RTF2: variants seen among roughly 807,000 people sequenced by gnomAD.
RTF2 encodes UPF0549 protein C20orf43.
Under a neutral mutation model 38.0 loss-of-function variants are expected in RTF2, and 18 were observed. The observed-to-expected ratio is 0.47, with a 90% CI of 0.33 to 0.70. The LOEUF is 0.70. Among genes scored for constraint, RTF2 ranks in the 30% least tolerant of loss-of-function variants. RTF2 has a pLI of 0.02. For missense variants in RTF2, 311 were observed against 379.6 expected (o/e 0.82, Z 1.50); for synonymous variants, 126 against 137.1 (o/e 0.92, Z 0.57).
At chr20:56,481,415 G>A (rs1018732251) in intron 4 of RTF2, among the ~76,000 whole-genome samples, 2 of 152,192 alleles carry the variant, frequency 1.3e-5, no homozygotes, top group South Asian at 4.1e-4. Context: ...TGGATTTGGA[G>A]AGAAGTACAG....
At chr20:56,473,891 C>T (rs1982101168) in intron 2 of RTF2, among the ~76,000 whole-genome samples, 1 of 151,912 alleles carries the variant, frequency 6.6e-6, no homozygotes, top group African/African-American at 2.4e-5. Flanking sequence ...ACTCAGGGGC[C>T]AATAGAAGCT....
At chr20:56,477,595 C>T (rs943514618) in intron 4 of RTF2, among the ~76,000 whole-genome samples, 1 of 151,932 alleles carries the variant, frequency 6.6e-6, no homozygotes, top group Admixed American at 6.6e-5. Flanking sequence ...GTTGCCCAGG[C>T]TGGTCTTGAA....
chr20:56,486,780 A>G (rs555050629), intron 5 of RTF2, among the ~76,000 whole-genome samples: 1 of 152,234 alleles, frequency 6.6e-6, no homozygotes, highest in Non-Finnish European at 1.5e-5. Context: ...TTTGCAAAAC[A>G]CTGTTGTAAG....
At chr20:56,479,818 CTTTTTTTTTTT>C (rs56227133) in intron 4 of RTF2, among the ~76,000 whole-genome samples, 54,228 of 142,536 alleles carry the variant, frequency 0.38, 10,103 homozygotes, top group East Asian at 0.65. Context: ...TGAAAGGAAT[CTTTTTTTTTTT>C]TTTTTTTGAG....
chr20:56,502,187 CTT>C (rs1276439679), intron 5 of RTF2, among the ~76,000 whole-genome samples: 5 of 152,150 alleles, frequency 3.3e-5, no homozygotes, highest in Non-Finnish European at 5.9e-5. Flanking sequence ...TGGTGGTTAA[CTT>C]TTTTCCCGTT....
intron 6 of RTF2, among the ~76,000 whole-genome samples, chr20:56,514,908 G>A (rs1033806314): frequency 5.3e-5 from 8 of 152,108 alleles, no homozygotes; most frequent in Non-Finnish European, 7.3e-5. Flanking sequence ...GTAGGCGGGC[G>A]TGGTGGCGTG....
intron 5 of RTF2, among the ~76,000 whole-genome samples, chr20:56,487,481 G>T (rs1456267536): frequency 2.0e-5 from 3 of 152,244 alleles, no homozygotes; most frequent in African/African-American, 7.2e-5. Flanking sequence ...CACCTTGGCT[G>T]TTGCGACTTT....
intron 5 of RTF2, among the ~76,000 whole-genome samples, chr20:56,506,846 G>A (rs898942528): frequency 5.3e-5 from 8 of 151,944 alleles, no homozygotes; most frequent in African/African-American, 1.9e-4. Flanking sequence ...GACTACAGGC[G>A]CCCACCACCA....
chr20:56,494,704 G>A (rs1983394729), intron 5 of RTF2, among the ~76,000 whole-genome samples: 1 of 152,318 alleles, frequency 6.6e-6, no homozygotes. Flanking sequence ...GGATTTACTT[G>A]TCTTTGAACT....
At chr20:56,471,572 A>AAAACAAAACAAAAC (rs1555808621) in intron 1 of RTF2, 6 of 151,494 alleles carry the variant, frequency 4.0e-5, no homozygotes, top group African/African-American at 1.5e-4. Context: ...CGTCTCAAAA[A>AAAACAAAACAAAAC]AAAACAAAAC....
intron 4 of RTF2, 110 bp downstream of exon 4, chr20:56,477,234 T>C: frequency 7.7e-7 from 1 of 1,306,754 alleles, no homozygotes; most frequent in Non-Finnish European, 1.1e-6. Flanking sequence ...TCTGGTGTCC[T>C]TGGGTTTGGT....
At position 56,518,322 on chromosome 20, in the gene RTF2, G is replaced by A. The variant is rs556412529; in HGVS notation, c.*57G>A. ...GGTTGTTTAGTTTCCACGTAGGCAG[G>A]TCGCTTTGTGCCTCTGAGTGCGCTG... On this transcript the variant is annotated 3_prime_UTR_variant, in exon 9 of 9. Coordinates refer to ENST00000357348, the MANE Select transcript of RTF2 (RefSeq NM_016407.5). 16 of 1,524,956 alleles carry A rather than the reference G, an allele frequency of 1.0e-5. No individual in the cohort carries two copies. The African/African-American group carries it at 2.2e-4, about 21-fold the overall frequency. The allele number at this position is 1,524,956 out of a possible 1,614,324, so 94.5% of individuals were successfully genotyped here. A position where few individuals can be genotyped will look rare whatever the true frequency, so the allele number is the denominator to read the frequency against.
intron 5 of RTF2, chr20:56,504,078 G>A (rs1269249018): frequency 6.6e-6 from 1 of 152,358 alleles, no homozygotes. Context: ...CTGGTTCCTG[G>A]AGGGGGAGTC....
At chr20:56,502,549 G>A (rs1438677751) in intron 5 of RTF2, among the ~76,000 whole-genome samples, 2 of 152,128 alleles carry the variant, frequency 1.3e-5, no homozygotes, top group African/African-American at 4.8e-5. Flanking sequence ...GGGTGAGTTG[G>A]CAGCATCCCA....
Position 56,484,175 on chromosome 20 carries a change from G to T in RTF2, c.463G>T (p.Glu155Ter), listed in dbSNP as rs751952469. ...GCGAGCCTTGAAAGAGATAAAAGCG[G>T]AAGTTTGCCACACGGTGAGTTCCTG... is the stretch of plus-strand genomic sequence containing the variant. The part of the protein sequence containing the change: ...SERALKEIKA[E>*]VCHTCGAAFQ... Residue 155 changes from glutamate to a stop codon, truncating the protein, a stop_gained, in exon 5 of 9, where the codon GAA (glutamate) becomes TAA (stop). Transcript: ENST00000357348. LOFTEE classifies it high-confidence loss of function. 6.2e-7 allele frequency: 1 copy of T among 1,614,056 alleles called. No homozygotes were observed. Among genetic ancestry groups the T allele is most frequent in the Non-Finnish European group, 8.5e-7 (1 of 1,179,908 alleles).
chr20:56,507,993 CA>C (rs750699284), intron 5 of RTF2, among the ~76,000 whole-genome samples: 9 of 152,240 alleles, frequency 5.9e-5, no homozygotes, highest in Non-Finnish European at 1.3e-4. Flanking sequence ...TGGCTAAAAA[CA>C]AGCTCCTTTT....
intron 5 of RTF2, among the ~76,000 whole-genome samples, chr20:56,502,274 T>G (rs999487948): frequency 6.6e-6 from 1 of 152,218 alleles, no homozygotes; most frequent in African/African-American, 2.4e-5. Context: ...TATTTTACAT[T>G]TTATGTTTTT....
At chr20:56,510,347 G>T (rs1984564836) in intron 5 of RTF2, among the ~76,000 whole-genome samples, 1 of 152,176 alleles carries the variant, frequency 6.6e-6, no homozygotes, top group Non-Finnish European at 1.5e-5. Context: ...CCTGAGCATT[G>T]TGCTGTGAGC....
intron 5 of RTF2, 147 bp from the exon 6 acceptor site, chr20:56,513,168 C>A: frequency 8.6e-7 from 1 of 1,161,076 alleles, no homozygotes; most frequent in South Asian, 1.5e-5. Context: ...CGGGAACTTT[C>A]CAAACCAAGG....
Sources: allele counts gnomAD v4.1 joint callset (sites outside exome capture counted in the v4.1 genomes callset), GRCh38; gene constraint gnomAD v4.1.1; transcripts MANE v1.5; gene names NCBI Gene and HGNC (gene_info 2026-07-23, HGNC 2026-07-21).